ARHGAP10: variants seen among roughly 807,000 people sequenced by gnomAD.
ARHGAP10 encodes the protein Rho GTPase activating protein 10.
Under a neutral mutation model 108.6 loss-of-function variants are expected in ARHGAP10, and 87 were observed. The observed-to-expected ratio is 0.80, with a 90% CI of 0.67 to 0.96. The LOEUF (loss-of-function observed/expected upper bound fraction) is 0.96. ARHGAP10 is among the 40% of genes least tolerant of loss of function. ARHGAP10 has a pLI of 0.00. For synonymous variants in ARHGAP10, 347 were observed against 341.1 expected, an observed-to-expected ratio of 1.02 and a Z score of -0.19; for missense variants, 939 against 954.5, an observed-to-expected ratio of 0.98 and a Z score of 0.21.
At chr4:148,050,279 A>C (rs1309490869) in intron 20 of ARHGAP10, among the ~76,000 whole-genome samples, 1 of 151,536 alleles carries the variant, frequency 6.6e-6, no homozygotes, top group Non-Finnish European at 1.5e-5. Context: ...ATTTATAGAA[A>C]TGCTGCCTTT....
At chr4:147,929,840 T>C (rs960165693) in intron 13 of ARHGAP10, among the ~76,000 whole-genome samples, 2 of 152,340 alleles carry the variant, frequency 1.3e-5, no homozygotes, top group Admixed American at 6.5e-5. Context: ...ATGATTAATA[T>C]TTTTATGTGC....
intron 14 of ARHGAP10, chr4:147,946,202 G>A (rs1207433662): frequency 1.9e-5 from 3 of 159,096 alleles, no homozygotes; most frequent in African/African-American, 7.2e-5. Flanking sequence ...TCAATACACA[G>A]TATGAGGGCA....
chr4:147,958,008 A>G lies in ARHGAP10; in HGVS notation c.1450+2634A>G, dbSNP rs113060553. ...CAAACTAAACTTATAAAAGGAACCC[A>G]GTAGACGATCCATCTTGGGGGAGAC... On this transcript the variant is annotated intron_variant, in intron 16 of 22. Coordinates refer to ENST00000336498, the MANE Select transcript of ARHGAP10 (RefSeq NM_024605.4). Among the ~76,000 whole-genome samples the G allele has an allele frequency of 3.9e-5, 6 of 152,352 alleles. 2 individuals carry two copies. Among genetic ancestry groups the G allele is most frequent in the African/African-American group, 1.4e-4 (6 of 41,586 alleles).
intron 1 of ARHGAP10, among the ~76,000 whole-genome samples, chr4:147,762,961 CTT>C (rs1479327116): frequency 1.3e-5 from 2 of 151,998 alleles, no homozygotes; most frequent in African/African-American, 4.8e-5. Context: ...TAACAAAAGA[CTT>C]TTATGGTTAA....
At chr4:147,974,783 C>T (rs1739530509) in intron 18 of ARHGAP10, among the ~76,000 whole-genome samples, 1 of 152,134 alleles carries the variant, frequency 6.6e-6, no homozygotes, top group African/African-American at 2.4e-5. Flanking sequence ...TTAATGGGCT[C>T]ATGGTTCCAC....
At chr4:148,026,555 A>G (rs956808776) in intron 19 of ARHGAP10, among the ~76,000 whole-genome samples, 6 of 152,218 alleles carry the variant, frequency 3.9e-5, no homozygotes, top group Admixed American at 6.5e-5. Flanking sequence ...ATTAAATGAT[A>G]TTAAATTTAT....
chr4:147,842,175 T>C (rs913525040), intron 3 of ARHGAP10, among the ~76,000 whole-genome samples: 2 of 152,142 alleles, frequency 1.3e-5, no homozygotes, highest in African/African-American at 4.8e-5. Flanking sequence ...CCTCAAGTGA[T>C]CCACCCGCCT....
intron 15 of ARHGAP10, among the ~76,000 whole-genome samples, chr4:147,949,130 T>C (rs978422820): frequency 2.6e-5 from 4 of 152,220 alleles, no homozygotes; most frequent in Admixed American, 2.0e-4. Context: ...TATTTTCAAG[T>C]GCTTTGTGTA....
chr4:147,966,235 A>C (rs183772246), intron 17 of ARHGAP10, among the ~76,000 whole-genome samples: 2 of 152,256 alleles, frequency 1.3e-5, no homozygotes, highest in Admixed American at 1.3e-4. Flanking sequence ...AGATTAGCAC[A>C]TACAGTTGGC....
chr4:147,807,274 A>G (rs1731825495), intron 1 of ARHGAP10, among the ~76,000 whole-genome samples: 1 of 152,206 alleles, frequency 6.6e-6, no homozygotes. Context: ...TATCCTGCAT[A>G]ACAGTAGATG....
chr4:147,995,602 A>G (rs963317286), intron 18 of ARHGAP10, among the ~76,000 whole-genome samples: 4 of 152,260 alleles, frequency 2.6e-5, no homozygotes, highest in African/African-American at 9.6e-5. Context: ...CAGATTTGTC[A>G]GCCTTACAAT....
chr4:147,740,724 CA>C, intron 1 of ARHGAP10, among the ~76,000 whole-genome samples: 1 of 152,180 alleles, frequency 6.6e-6, no homozygotes, highest in Admixed American at 6.5e-5. Flanking sequence ...TCCTACCCTT[CA>C]GTAGAGTAAC....
intron 10 of ARHGAP10, among the ~76,000 whole-genome samples, chr4:147,895,921 C>A (rs1735978023): frequency 1.3e-5 from 2 of 152,036 alleles, no homozygotes; most frequent in South Asian, 4.2e-4. Flanking sequence ...GTTTTTATTC[C>A]CAGTTTTAAG....
rs376580228 is a variant in ARHGAP10 at position 148,023,274 on chromosome 4, G to A, written c.1728G>A (p.Thr576=). 3.8e-5 allele frequency: 61 copies of A among 1,613,376 alleles called. No homozygotes were observed. In the African/African-American group the frequency reaches 6.8e-4, roughly 18 times the overall value. The change falls in exon 19 of 23, where the codon ACG becomes ACA. Residue 576 remains threonine (T), a synonymous_variant. Transcript: ENST00000336498. ...TGCTTTGTTGGAAGATTTTTCGGAC[G>A]CCGCCCGATACTACATTCCCTGAGC... ...LIENHEKIFR[T]PPDTTFPEPT...
chr4:147,965,823 T>A (rs529161457), intron 17 of ARHGAP10, among the ~76,000 whole-genome samples: 3 of 152,308 alleles, frequency 2.0e-5, no homozygotes, highest in South Asian at 4.1e-4. Context: ...CCAGCTTTCA[T>A]GAAGCTTACT....
chr4:147,762,514 A>ATTTATTTT (rs1729630921), intron 1 of ARHGAP10, among the ~76,000 whole-genome samples: 2 of 149,906 alleles, frequency 1.3e-5, no homozygotes, highest in Non-Finnish European at 3.0e-5. Context: ...TTATTTATTT[A>ATTTATTTT]TTTATTTTTA....
intron 11 of ARHGAP10, among the ~76,000 whole-genome samples, chr4:147,909,194 C>T (rs551838477): frequency 6.5e-4 from 99 of 152,286 alleles, no homozygotes; most frequent in African/African-American, 2.1e-3. Flanking sequence ...AAAGTTACAA[C>T]TCTGCAAGGG....
intron 1 of ARHGAP10, among the ~76,000 whole-genome samples, chr4:147,822,073 G>A (rs960261952): frequency 1.3e-5 from 2 of 152,208 alleles, no homozygotes. Context: ...TAAAATAAAT[G>A]TTAGCCTATT....
intron 13 of ARHGAP10, among the ~76,000 whole-genome samples, chr4:147,929,511 A>G (rs1737587543): frequency 6.6e-6 from 1 of 152,230 alleles, no homozygotes; most frequent in Non-Finnish European, 1.5e-5. Context: ...GATAGCCTAG[A>G]AAGTGCTTAC....
Sources: allele counts gnomAD v4.1 joint callset (sites outside exome capture counted in the v4.1 genomes callset), GRCh38; gene constraint gnomAD v4.1.1; transcripts MANE v1.5; gene names NCBI Gene and HGNC (gene_info 2026-07-23, HGNC 2026-07-21).